ZFP62: variants seen among roughly 807,000 people sequenced by gnomAD.
ZFP62 encodes zinc finger protein 62 homolog.
ZFP62 carries 44 observed loss-of-function variants against 56.4 expected under a neutral mutation model. The observed-to-expected ratio is 0.78, with a 90% confidence interval of 0.61 to 1.00. ZFP62 has a LOEUF of 1.00. ZFP62 is among the 50% of genes least tolerant of loss of function. ZFP62 has a pLI of 0.00. For synonymous variants in ZFP62, 421 were observed against 388.9 expected (o/e 1.08, Z -0.97); for missense variants, 1,030 against 1,085.7 (o/e 0.95, Z 0.72).
Position 180,850,978 on chromosome 5 carries a change from C to T in ZFP62, c.517G>A (p.Asp173Asn), listed in dbSNP as rs1393881307. ...CTGCTCCGGAAAGTCCCTCCACAGT[C>T]ATCACATTCATAGCGCTTTTCCCCA... ...HTGEKRYECD[D>N]CGGTFRSSSS... Residue 173 changes from aspartate (D) to asparagine (N), a missense_variant, in exon 2 of 2, where the codon GAC (aspartate) becomes AAC (asparagine). Coordinates refer to ENST00000502412, the MANE Select transcript of ZFP62 (RefSeq NM_001172638.2). 7 of 1,552,558 alleles carry T rather than the reference C, an allele frequency of 4.5e-6. No homozygotes were observed. The highest frequency in any genetic ancestry group is 6.1e-6 in the Non-Finnish European group (7 of 1,147,682).
rs1756074608 is a variant in ZFP62, at chr5:180,861,254, C to A, written c.-35G>T. The A allele has an allele frequency of 2.5e-6, 1 of 397,592 alleles. No homozygotes were observed. 24.6% of individuals were successfully genotyped at this position (397,592 alleles called of 1,614,324 possible). ...GGCGCCGCGGGAACCCGGCCGCCAG[C>A]GGGACAAAAGCGCGGACCGCACGGC... On this transcript the variant is annotated 5_prime_UTR_variant, in exon 1 of 2. Coordinates refer to ENST00000502412, the MANE Select transcript of ZFP62 (RefSeq NM_001172638.2).
chr5:180,835,307 A>G, the ZFP62 span: 2 of 152,240 alleles, frequency 1.3e-5, no homozygotes, highest in African/African-American at 4.8e-5. Context: ...CCCTTGTACC[A>G]CACAACTCTA....
rs1773505340 is a variant in ZFP62, at chr5:180,848,605, G to A, written c.*187C>T. The A allele has an allele frequency of 1.5e-6, 2 of 1,348,288 alleles. No homozygotes were observed. Among genetic ancestry groups the A allele is most frequent in the Non-Finnish European group, 1.9e-6 (2 of 1,053,034 alleles). 83.5% of individuals were successfully genotyped at this position (1,348,288 alleles called of 1,614,324 possible). ...GACTGTTTTATATCCTGTAAGAGCT[G>A]AACTACCTTGACACTGGAGCCTTTC... On this transcript the variant is annotated 3_prime_UTR_variant, in exon 2 of 2. Transcript: ENST00000502412.
At chr5:180,859,578 C>A (rs544559793) in intron 1 of ZFP62, among the ~76,000 whole-genome samples, 11 of 152,194 alleles carry the variant, frequency 7.2e-5, no homozygotes, top group Admixed American at 6.5e-4. Context: ...CATTCTCATG[C>A]CAAGTAGTGG....
intron 1 of ZFP62, chr5:180,851,923 T>A: frequency 1.3e-6 from 1 of 760,066 alleles, no homozygotes; most frequent in Non-Finnish European, 1.6e-6. Flanking sequence ...AAAACTTTTT[T>A]TTATTATGAA....
In ZFP62 at chr5:180,848,127, C is replaced by A; in HGVS notation, c.*665G>T. ...ATTCAACTAATGTATCACAATAGTACGTTCATCAATTTGCATTTTTTATGA... is the reference window on the plus strand; with the variant it reads ...ATTCAACTAATGTATCACAATAGTAAGTTCATCAATTTGCATTTTTTATGA... On this transcript the variant is annotated 3_prime_UTR_variant, in exon 2 of 2. Transcript: ENST00000502412. 1.0e-6 allele frequency: 1 copy of A among 984,968 alleles called. No individual in the cohort carries two copies. Among genetic ancestry groups the A allele is most frequent in the Non-Finnish European group, 1.2e-6 (1 of 829,768 alleles). The allele number at this position is 984,968 out of a possible 1,614,324, so 61.0% of individuals were successfully genotyped here.
chr5:180,858,537 GGCAGAGGTT>G (rs1774129266), intron 1 of ZFP62, among the ~76,000 whole-genome samples: 1 of 152,088 alleles, frequency 6.6e-6, no homozygotes, highest in Admixed American at 6.5e-5. Context: ...GAACCTGGGA[GGCAGAGGTT>G]GCAGTGAGCC....
chr5:180,833,566 C>G, the ZFP62 span, among the ~76,000 whole-genome samples: 1 of 151,832 alleles, frequency 6.6e-6, no homozygotes, highest in Non-Finnish European at 1.5e-5. Flanking sequence ...CCATCTGCAA[C>G]TTGTAAGATG....
chr5:180,860,064 A>G (rs1774221340), intron 1 of ZFP62, among the ~76,000 whole-genome samples: 1 of 152,230 alleles, frequency 6.6e-6, no homozygotes, highest in Admixed American at 6.5e-5. Context: ...ACAAAACGAA[A>G]CAAAACACAA....
At chr5:180,847,348 C>T (rs1773439082), downstream of ZFP62, among the ~76,000 whole-genome samples, 1 of 125,824 alleles carries the variant, frequency 7.9e-6, no homozygotes, top group Admixed American at 8.6e-5. Context: ...TGTGTGGTGA[C>T]TGATCACTCA....
the ZFP62 span, among the ~76,000 whole-genome samples, chr5:180,841,004 TG>T: frequency 6.6e-6 from 1 of 152,160 alleles, no homozygotes; most frequent in African/African-American, 2.4e-5. Flanking sequence ...GAGGTTTTTT[TG>T]TTTTTTGTTG....
At chr5:180,836,173 C>T in the ZFP62 span, among the ~76,000 whole-genome samples, 5 of 152,336 alleles carry the variant, frequency 3.3e-5, no homozygotes, top group African/African-American at 9.6e-5. Flanking sequence ...GTTCACACAA[C>T]GGCCTAACGA....
chr5:180,843,065 AT>A (rs2113659528), downstream of ZFP62, among the ~76,000 whole-genome samples: 2 of 150,726 alleles, frequency 1.3e-5, no homozygotes, highest in African/African-American at 4.9e-5. Flanking sequence ...AAATAAATAA[AT>A]TTAAAAAAAA....
chr5:180,848,759 T>G lies in ZFP62; in HGVS notation c.*33A>C. On this transcript the variant is annotated 3_prime_UTR_variant, in exon 2 of 2. Coordinates refer to ENST00000502412, the MANE Select transcript of ZFP62 (RefSeq NM_001172638.2). ...TACATTCATAAGGTATTTCTTCCAT[T>G]TGAGTTCGGAGAGACTTGGTAAGCT... 6.8e-7 allele frequency: 1 copy of G among 1,473,678 alleles called. No homozygotes were observed. The highest frequency in any genetic ancestry group is 9.0e-7 in the Non-Finnish European group (1 of 1,110,216). 91.3% of individuals were successfully genotyped at this position (1,473,678 alleles called of 1,614,324 possible).
At chr5:180,828,363 G>A in the ZFP62 span, among the ~76,000 whole-genome samples, 274 of 152,202 alleles carry the variant, frequency 1.8e-3, 1 homozygote, top group Middle Eastern at 3.4e-3. Context: ...CGTAAGGCCC[G>A]GTGGGCAACA....
downstream of ZFP62, among the ~76,000 whole-genome samples, chr5:180,845,085 A>C (rs2113661881): frequency 6.6e-6 from 1 of 152,196 alleles, no homozygotes; most frequent in Non-Finnish European, 1.5e-5. Context: ...TAATCTCAGC[A>C]CCTTGGGAGT....
the ZFP62 span, among the ~76,000 whole-genome samples, chr5:180,836,050 G>A: frequency 1.3e-5 from 2 of 152,314 alleles, no homozygotes; most frequent in Non-Finnish European, 2.9e-5. Context: ...ACAGTATTCA[G>A]AGTACAGTCA....
the ZFP62 span, among the ~76,000 whole-genome samples, chr5:180,833,104 T>C: frequency 6.6e-6 from 1 of 152,170 alleles, no homozygotes; most frequent in Non-Finnish European, 1.5e-5. Flanking sequence ...CACCCCAAAA[T>C]TAATGTTGAA....
the ZFP62 span, among the ~76,000 whole-genome samples, chr5:180,827,676 G>A: frequency 4.6e-5 from 7 of 152,162 alleles, no homozygotes; most frequent in Non-Finnish European, 8.8e-5. Context: ...CCCCCAGCCC[G>A]ACACCCGTAA....
Sources: gnomAD v4.1 joint callset for allele counts (sites outside exome capture counted in the v4.1 genomes callset) on GRCh38, gnomAD v4.1.1 for gene constraint, MANE v1.5 for transcripts, NCBI Gene and HGNC (gene_info 2026-07-23, HGNC 2026-07-21) for gene names.